The following MGA variants were observed in gnomAD, a reference collection of about 807,000 sequenced individuals.
The protein encoded by MGA is MAX dimerization protein MGA, also known as MAX gene-associated protein.
Under a neutral mutation model 261.1 loss-of-function variants are expected in MGA, and 40 were observed. That is an observed-to-expected ratio of 0.15 (90% CI 0.12 to 0.20). The LOEUF (loss-of-function observed/expected upper bound fraction) is 0.20. Among genes scored for constraint, MGA ranks in the 10% least tolerant of loss-of-function variants. The pLI is 1.00. For missense variants in MGA, 3,397 were observed against 3,630.5 expected (o/e 0.94, Z 1.65); for synonymous variants, 1,302 against 1,290.6 (o/e 1.01, Z -0.19).
In MGA at chr15:41,742,884, G is replaced by A. The variant is rs1265394819; in HGVS notation, c.4924G>A (p.Glu1642Lys). 11 of 1,613,876 alleles carry A rather than the reference G, an allele frequency of 6.8e-6. No individual in the cohort carries two copies. Among genetic ancestry groups the A allele is most frequent in the Non-Finnish European group, 9.3e-6 (11 of 1,179,892 alleles). The change falls in exon 15 of 24, where the codon GAA (glutamate) becomes AAA (lysine). Residue 1642 changes from glutamate (E) to lysine (K), a missense_variant. Physicochemically the swap from Glu to Lys is moderately conservative, Grantham distance 56. This residue lies in a region of MGA where 1,410 missense variants were observed against 1,386.4 expected (regional missense o/e 1.02). Transcript: ENST00000219905. ...CACTACAGGGGTTGTTGAGGTCTCT[G>A]AAACTAATACCAGCACCTCTGTAAC...
chr15:41,708,043 C>A, intron 6 of MGA, 61 bp from the exon 7 acceptor site: 2 of 1,409,040 alleles, frequency 1.4e-6, no homozygotes, highest in Non-Finnish European at 1.9e-6. Context: ...TATTAATTAA[C>A]TAGGTCCATA....
At chr15:41,727,089 T>A in intron 9 of MGA, 91 bp from the exon 10 acceptor site, 2 of 937,470 alleles carry the variant, frequency 2.1e-6, no homozygotes, top group South Asian at 3.7e-5. Flanking sequence ...TACTGCCTTT[T>A]GTGAGGGAGC....
At chr15:41,686,631 T>C (rs2058987052) in intron 2 of MGA, among the ~76,000 whole-genome samples, 1 of 152,214 alleles carries the variant, frequency 6.6e-6, no homozygotes, top group African/African-American at 2.4e-5. Context: ...TGTGTAGTGC[T>C]CTTTATCATG....
At chr15:41,701,827 G>A (rs993083431) in intron 5 of MGA, among the ~76,000 whole-genome samples, 12 of 152,166 alleles carry the variant, frequency 7.9e-5, no homozygotes, top group African/African-American at 1.9e-4. Flanking sequence ...TACATTTGGT[G>A]CAAGTTTGTA....
Position 41,736,717 on chromosome 15 carries a change from C to T in MGA, c.4434+19C>T, listed in dbSNP as rs1595913940. 8 of 1,570,904 alleles carry T rather than the reference C, an allele frequency of 5.1e-6. No homozygotes were observed. The highest frequency in any genetic ancestry group is 6.9e-6 in the Non-Finnish European group (8 of 1,159,586). The stretch of plus-strand genomic sequence containing the variant: ...TATCCAGGTGAGAATTATCTTTAAT[C>T]TGGGTATAGCACCTTTGTATACACC... On this transcript the variant is annotated intron_variant, in intron 13 of 23. Transcript: ENST00000219905.
intron 23 of MGA, among the ~76,000 whole-genome samples, chr15:41,765,506 G>A (rs1235175431): frequency 1.3e-5 from 2 of 152,158 alleles, no homozygotes; most frequent in African/African-American, 2.4e-5. Context: ...TTAGGTTCCA[G>A]GCAACTAAAT....
Position 41,767,632 on chromosome 15 carries a change from T to G in MGA, c.*352T>G. The G allele has an allele frequency of 3.9e-6, 1 of 256,488 alleles. No homozygotes were observed. The highest frequency in any genetic ancestry group is 7.5e-6 in the Non-Finnish European group (1 of 132,812). 15.9% of individuals were successfully genotyped at this position (256,488 alleles called of 1,614,324 possible). A position where few individuals can be genotyped will look rare whatever the true frequency, so the allele number is the denominator to read the frequency against. The stretch of plus-strand genomic sequence containing the variant: ...CTTCCCCCACAAGCGAAAGAGCTGT[T>G]TGCAACTTTGGAGTTGCTGTAGACT... On this transcript the variant is annotated 3_prime_UTR_variant, in exon 24 of 24. Transcript: ENST00000219905.
At chr15:41,680,643 C>T (rs1022720958) in intron 2 of MGA, among the ~76,000 whole-genome samples, 1 of 152,166 alleles carries the variant, frequency 6.6e-6, no homozygotes, top group African/African-American at 2.4e-5. Flanking sequence ...GTAAAGAATA[C>T]AAGTTAGGAC....
At chr15:41,687,469 A>T (rs1039280974) in intron 2 of MGA, among the ~76,000 whole-genome samples, 2 of 152,196 alleles carry the variant, frequency 1.3e-5, no homozygotes, top group South Asian at 2.1e-4. Flanking sequence ...TAGAGACTGT[A>T]TGGAATGCAA....
intron 2 of MGA, among the ~76,000 whole-genome samples, chr15:41,678,539 G>A (rs2058502103): frequency 6.6e-6 from 1 of 150,688 alleles, no homozygotes; most frequent in Admixed American, 6.6e-5. Flanking sequence ...GCTGAGGCGG[G>A]CGGATCACGA....
chr15:41,749,027 C>T (rs2062678385), intron 16 of MGA, 84 bp from the exon 17 acceptor site: 13 of 1,542,482 alleles, frequency 8.4e-6, no homozygotes, highest in Non-Finnish European at 1.1e-5. Context: ...TTAAGAGTTA[C>T]TTTTCCAAAA....
At chr15:41,663,359 G>GGT (rs2033551277) in intron 1 of MGA, among the ~76,000 whole-genome samples, 1 of 151,934 alleles carries the variant, frequency 6.6e-6, no homozygotes, top group Non-Finnish European at 1.5e-5. Flanking sequence ...TGAATGTTAA[G>GGT]GTATATATAT....
intron 22 of MGA, 102 bp downstream of exon 22, chr15:41,762,464 T>TTTTTTG (rs2063528032): frequency 2.0e-5 from 4 of 195,672 alleles, no homozygotes; most frequent in South Asian, 9.9e-5. Flanking sequence ...TTGTGTGGTT[T>TTTTTTG]TTTTTTTTTT....
At position 41,768,066 on chromosome 15, in the gene MGA, C is replaced by T. The variant is rs1885442832; in HGVS notation, c.*786C>T. On this transcript the variant is annotated 3_prime_UTR_variant, in exon 24 of 24. Transcript: ENST00000219905. ...AGGTAGGCATAGAGGGAGCCCTACCCCTTCCACAAATTACGTTACTCAAGA... is the reference window on the plus strand; with the variant it reads ...AGGTAGGCATAGAGGGAGCCCTACCTCTTCCACAAATTACGTTACTCAAGA... 6.6e-6 allele frequency: 1 copy of T among 152,496 alleles called. No individual in the cohort carries two copies. Among genetic ancestry groups the T allele is most frequent in the Non-Finnish European group, 1.5e-5 (1 of 68,014 alleles). 9.4% of individuals were successfully genotyped at this position (152,496 alleles called of 1,614,324 possible).
At position 41,727,190 on chromosome 15, in the gene MGA, G is replaced by T; in HGVS notation, c.3441G>T (p.Glu1147Asp). 1 of 1,613,282 alleles carries T rather than the reference G, an allele frequency of 6.2e-7. No individual in the cohort carries two copies. Among genetic ancestry groups the T allele is most frequent in the East Asian group, 2.2e-5 (1 of 44,862 alleles). Reference sequence around the variant, plus strand: ...TTCTTTTTTGTTAAGCTATATGTGAGACAGAGCCTGAACAGCCTGTTCGAC... The same window carrying T: ...TTCTTTTTTGTTAAGCTATATGTGATACAGAGCCTGAACAGCCTGTTCGAC... Residue 1147 changes from glutamate to aspartate, a missense_variant, in exon 10 of 24, where the codon GAG (glutamate) becomes GAT (aspartate). By Grantham distance (45) the Glu-to-Asp change is conservative (BLOSUM62 2). Coordinates refer to ENST00000219905, the MANE Select transcript of MGA (RefSeq NM_001164273.2).
At chr15:41,748,551 G>A in intron 15 of MGA, 86 bp from the exon 16 acceptor site, 1 of 1,430,686 alleles carries the variant, frequency 7.0e-7, no homozygotes, top group East Asian at 2.5e-5. Flanking sequence ...GCAAGACTGT[G>A]TCTTAAAAAA....
At chr15:41,621,413 G>T (rs550614741) in intron 1 of MGA, 1 of 152,406 alleles carries the variant, frequency 6.6e-6, no homozygotes, top group Admixed American at 6.5e-5. Flanking sequence ...CTCCGCGTGC[G>T]AACGACTCGG....
chr15:41,633,298 A>G (rs1278445617), intron 1 of MGA, among the ~76,000 whole-genome samples: 3 of 151,274 alleles, frequency 2.0e-5, no homozygotes, highest in Admixed American at 6.6e-5. Context: ...GCATTGTGTT[A>G]AGGATCATTA....
In MGA at chr15:41,754,331, A is replaced by G. The variant is rs186180530; in HGVS notation, c.7009-106A>G. On this transcript the variant is annotated intron_variant, in intron 17 of 23. Coordinates refer to ENST00000219905, the MANE Select transcript of MGA (RefSeq NM_001164273.2). Reference sequence around the variant, plus strand: ...GGATTATCAGTACTCATGATATAACATGAATGTCTGGCATTAGTTGGTTTT... The same window carrying G: ...GGATTATCAGTACTCATGATATAACGTGAATGTCTGGCATTAGTTGGTTTT... 56 of 1,017,672 alleles carry G rather than the reference A, an allele frequency of 5.5e-5. 1 individual carries two copies. In the Admixed American group the frequency reaches 1.7e-3, roughly 30 times the overall value. 63.0% of individuals were successfully genotyped at this position (1,017,672 alleles called of 1,614,324 possible). A position where few individuals can be genotyped will look rare whatever the true frequency, so the allele number is the denominator to read the frequency against.
Sources: gnomAD v4.1 joint callset for allele counts (sites outside exome capture counted in the v4.1 genomes callset) on GRCh38, gnomAD v4.1.1 for gene constraint, gnomAD v4.1.1 regional missense constraint, MANE v1.5 for transcripts, NCBI Gene and HGNC (gene_info 2026-07-23, HGNC 2026-07-21) for gene names.